Variants in SPIDR observed in about 807,000 individuals in gnomAD.
The protein encoded by SPIDR is scaffold protein involved in DNA repair.
In SPIDR, 93 loss-of-function variants were observed where a neutral mutation model predicts 104.6. The observed-to-expected ratio is 0.89, with a 90% CI of 0.75 to 1.06. The LOEUF is 1.06. Among genes scored for constraint, SPIDR ranks in the 50% least tolerant of loss-of-function variants. The probability of loss-of-function intolerance (pLI) is 0.00; values close to 1 mark genes in which losing one functional copy is unlikely to be tolerated. For missense variants in SPIDR, 1,154 were observed against 1,111.2 expected, an observed-to-expected ratio of 1.04 and a Z score of -0.55; for synonymous variants, 431 against 416.9, an observed-to-expected ratio of 1.03 and a Z score of -0.41.
chr8:47,411,532 G>T (rs2063524176), intron 7 of SPIDR, among the ~76,000 whole-genome samples: 1 of 152,162 alleles, frequency 6.6e-6, no homozygotes, highest in African/African-American at 2.4e-5. Context: ...ATTTGTTTGA[G>T]TTCATTGTAG....
chr8:47,504,382 A>AT (rs1211565158), intron 8 of SPIDR, among the ~76,000 whole-genome samples: 2 of 151,500 alleles, frequency 1.3e-5, no homozygotes, highest in Non-Finnish European at 2.9e-5. Context: ...CATTTCATTC[A>AT]TTTGATCTTC....
intron 10 of SPIDR, among the ~76,000 whole-genome samples, chr8:47,600,524 G>A (rs140225068): frequency 1.1e-3 from 165 of 152,216 alleles, no homozygotes; most frequent in African/African-American, 3.6e-3. Flanking sequence ...GTTGGAGAAT[G>A]TTTCTTTTGG....
intron 8 of SPIDR, among the ~76,000 whole-genome samples, chr8:47,471,719 TAAA>T (rs782061234): frequency 1.3e-5 from 2 of 152,176 alleles, no homozygotes; most frequent in South Asian, 4.1e-4. Flanking sequence ...TTTATGACAA[TAAA>T]AATGGATATA....
chr8:47,657,573 G>A (rs2073067739), intron 10 of SPIDR, among the ~76,000 whole-genome samples: 1 of 152,018 alleles, frequency 6.6e-6, no homozygotes, highest in Admixed American at 6.6e-5. Flanking sequence ...AGAGTGGCAG[G>A]TTTTAACAAT....
At chr8:47,286,307 GCAT>G (rs1230199547) in intron 3 of SPIDR, among the ~76,000 whole-genome samples, 10 of 152,192 alleles carry the variant, frequency 6.6e-5, no homozygotes, top group Admixed American at 5.2e-4. Context: ...CTGAAAAAAG[GCAT>G]TACATTTGGG....
rs540205610 is a variant in SPIDR, at chr8:47,321,649, G to C, written c.525+27619G>C. Among the ~76,000 whole-genome samples, 202 of 152,146 alleles carry C rather than the reference G, an allele frequency of 1.3e-3. 1 individual carries two copies. The highest frequency in any genetic ancestry group is 3.4e-3 in the African/African-American group (143 of 41,504). ...CCGGTATTGCCAAGTCAATCCTAAG[G>C]TGAAAGAACAAAGCTGGAGGCATCG... On this transcript the variant is annotated intron_variant, in intron 5 of 19. Coordinates refer to ENST00000297423, the MANE Select transcript of SPIDR (RefSeq NM_001080394.4).
chr8:47,610,487 C>T (rs77519852), intron 10 of SPIDR, among the ~76,000 whole-genome samples: 3 of 152,308 alleles, frequency 2.0e-5, no homozygotes, highest in East Asian at 1.9e-4. Flanking sequence ...GCTGAGCCAC[C>T]GCACCTTGCT....
intron 5 of SPIDR, among the ~76,000 whole-genome samples, chr8:47,369,854 A>G (rs1166415290): frequency 6.6e-6 from 1 of 152,216 alleles, no homozygotes; most frequent in Non-Finnish European, 1.5e-5. Context: ...GTTTTCCCTT[A>G]TAGTCCTATT....
At chr8:47,351,395 G>T (rs1300375097) in intron 5 of SPIDR, among the ~76,000 whole-genome samples, 1 of 152,180 alleles carries the variant, frequency 6.6e-6, no homozygotes. Context: ...AAAGGAAACT[G>T]AGTTGGGTTT....
intron 10 of SPIDR, chr8:47,660,585 G>T (rs1213282972): frequency 5.4e-6 from 5 of 929,556 alleles, no homozygotes; most frequent in Non-Finnish European, 5.1e-6. Context: ...AGTTGAGAGG[G>T]GTGAAGTGTG....
chr8:47,496,551 T>C (rs2079469961), intron 8 of SPIDR, among the ~76,000 whole-genome samples: 2 of 152,234 alleles, frequency 1.3e-5, no homozygotes, highest in Middle Eastern at 6.8e-3. Context: ...TCTCATTTAG[T>C]TGTGGTATAT....
chr8:47,454,393 C>A (rs903614529), intron 8 of SPIDR, among the ~76,000 whole-genome samples: 1 of 151,990 alleles, frequency 6.6e-6, no homozygotes, highest in Non-Finnish European at 1.5e-5. Context: ...AACCAAACAC[C>A]GCATGTTCTC....
chr8:47,658,193 C>T (rs1307198083), intron 10 of SPIDR, among the ~76,000 whole-genome samples: 4 of 151,128 alleles, frequency 2.6e-5, no homozygotes, highest in African/African-American at 4.9e-5. Flanking sequence ...CCGAGGCGGG[C>T]GGATCACCTG....
At chr8:47,335,980 G>T (rs575022685) in intron 5 of SPIDR, among the ~76,000 whole-genome samples, 1 of 151,422 alleles carries the variant, frequency 6.6e-6, no homozygotes, top group Admixed American at 6.6e-5. Flanking sequence ...TCGGATCTGT[G>T]TGTGGTTTGG....
intron 10 of SPIDR, among the ~76,000 whole-genome samples, chr8:47,641,761 G>C (rs946169072): frequency 6.6e-6 from 1 of 152,164 alleles, no homozygotes. Context: ...GCCTGACATA[G>C]AAGCCCAGCT....
chr8:47,689,078 T>G (rs949678179), intron 11 of SPIDR, among the ~76,000 whole-genome samples: 1 of 152,204 alleles, frequency 6.6e-6, no homozygotes, highest in African/African-American at 2.4e-5. Context: ...CTTCATTGGT[T>G]GTGTATAATT....
intron 8 of SPIDR, among the ~76,000 whole-genome samples, chr8:47,522,045 TC>T (rs1373285974): frequency 1.3e-5 from 2 of 151,608 alleles, no homozygotes; most frequent in Admixed American, 6.6e-5. Flanking sequence ...GTGCCTGTAA[TC>T]CCAGCTACTG....
chr8:47,684,146 A>C (rs918675898), intron 11 of SPIDR, among the ~76,000 whole-genome samples: 1 of 151,542 alleles, frequency 6.6e-6, no homozygotes, highest in Admixed American at 6.6e-5. Flanking sequence ...AAAAAAAAAA[A>C]AAAAACCTGA....
intron 11 of SPIDR, among the ~76,000 whole-genome samples, chr8:47,696,576 A>G (rs552517366): frequency 6.6e-6 from 1 of 152,358 alleles, no homozygotes; most frequent in African/African-American, 2.4e-5. Flanking sequence ...ACTTTGTAAC[A>G]CAAAAAGTCT....
Sources: allele counts gnomAD v4.1 joint callset (sites outside exome capture counted in the v4.1 genomes callset), GRCh38; gene constraint gnomAD v4.1.1; transcripts MANE v1.5; gene names NCBI Gene and HGNC (gene_info 2026-07-23, HGNC 2026-07-21).